ASCC3: variants seen among roughly 807,000 people sequenced by gnomAD.
ASCC3 encodes the protein activating signal cointegrator 1 complex subunit 3.
Under a neutral mutation model 256.3 loss-of-function variants are expected in ASCC3, and 158 were observed. That is an observed-to-expected ratio of 0.62 (90% CI 0.54 to 0.70). ASCC3 has a LOEUF of 0.70. Ranked by LOEUF, ASCC3 falls within the 30% of genes least tolerant of loss-of-function variation. The pLI, the probability that ASCC3 is intolerant of heterozygous loss-of-function variation, is 0.00. For missense variants in ASCC3, 2,259 were observed against 2,626.0 expected (o/e 0.86, Z 3.05); for synonymous variants, 948 against 883.4 (o/e 1.07, Z -1.30).
chr6:100,867,865 T>C, intron 2 of ASCC3, 43 bp downstream of exon 2: 1 of 1,447,292 alleles, frequency 6.9e-7, no homozygotes, highest in Non-Finnish European at 9.7e-7. Context: ...CCATAGTCTG[T>C]GTTTATAATA....
At chr6:100,602,466 A>T (rs897939656) in intron 33 of ASCC3, among the ~76,000 whole-genome samples, 1 of 152,036 alleles carries the variant, frequency 6.6e-6, no homozygotes, top group Non-Finnish European at 1.5e-5. Context: ...AGCTGACAAA[A>T]AAAAAGCTAC....
At chr6:100,642,859 T>A in intron 23 of ASCC3, 110 bp from the exon 24 acceptor site, 1 of 1,050,066 alleles carries the variant, frequency 9.5e-7, no homozygotes, top group Non-Finnish European at 1.4e-6. Context: ...AAAGACAAAG[T>A]ATCTTGAATT....
chr6:100,812,681 T>C (rs1374234602), intron 4 of ASCC3, among the ~76,000 whole-genome samples: 5 of 152,250 alleles, frequency 3.3e-5, no homozygotes, highest in Admixed American at 6.5e-5. Flanking sequence ...TGTGATCCCA[T>C]CACTTTGAGA....
chr6:100,624,215 TAC>T (rs1774118437), intron 30 of ASCC3, among the ~76,000 whole-genome samples: 1 of 151,752 alleles, frequency 6.6e-6, no homozygotes, highest in African/African-American at 2.4e-5. Context: ...TGTATAGAAA[TAC>T]ACATATATGA....
intron 25 of ASCC3, among the ~76,000 whole-genome samples, chr6:100,632,609 G>A (rs1774612649): frequency 6.6e-6 from 1 of 151,986 alleles, no homozygotes; most frequent in South Asian, 2.1e-4. Context: ...TGGAAGTATG[G>A]ACCTGACATA....
intron 3 of ASCC3, among the ~76,000 whole-genome samples, chr6:100,852,203 A>C (rs1772715025): frequency 6.6e-6 from 1 of 152,190 alleles, no homozygotes; most frequent in African/African-American, 2.4e-5. Flanking sequence ...TATCTGAAGA[A>C]AACGATGCAG....
chr6:100,629,116 A>C lies in ASCC3; in HGVS notation c.4274T>G (p.Val1425Gly), dbSNP rs17246013. The C allele has an allele frequency of 2.5e-6, 4 of 1,613,694 alleles. No homozygotes were observed. Among genetic ancestry groups the C allele is most frequent in the Non-Finnish European group, 3.4e-6 (4 of 1,179,872 alleles). Residue 1425 changes from valine (V) to glycine (G), a missense_variant, in exon 27 of 42, where the codon GTC becomes GGC. Coordinates refer to ENST00000369162, the MANE Select transcript of ASCC3 (RefSeq NM_006828.4). ...TCCATCCCACTTCTCTGGCGTAGTG[A>C]CGATAAGGTCAGCCTTGGCAATGGA... ...MKSIAKADLI[V>G]TTPEKWDGVS...
chr6:100,825,897 C>G (rs1771282715), intron 4 of ASCC3, among the ~76,000 whole-genome samples: 1 of 151,700 alleles, frequency 6.6e-6, no homozygotes, highest in Middle Eastern at 3.4e-3. Flanking sequence ...ATTGACTCGG[C>G]TATTGATACT....
chr6:100,707,225 A>C (rs1180788820), intron 13 of ASCC3, among the ~76,000 whole-genome samples: 1 of 152,144 alleles, frequency 6.6e-6, no homozygotes, highest in Non-Finnish European at 1.5e-5. Context: ...CAAAAAGTAA[A>C]AGGACAACAT....
intron 10 of ASCC3, among the ~76,000 whole-genome samples, chr6:100,747,150 A>G (rs1037908230): frequency 6.7e-6 from 1 of 149,308 alleles, no homozygotes; most frequent in Non-Finnish European, 1.5e-5. Context: ...AAAAAAAAAC[A>G]TAAAAAGATG....
At chr6:100,816,193 C>G (rs558682344) in intron 4 of ASCC3, among the ~76,000 whole-genome samples, 1 of 152,142 alleles carries the variant, frequency 6.6e-6, no homozygotes, top group South Asian at 2.1e-4. Flanking sequence ...AAATGAAAAT[C>G]AAAACCACAA....
chr6:100,755,436 C>T (rs928353841), intron 10 of ASCC3, among the ~76,000 whole-genome samples: 7 of 151,784 alleles, frequency 4.6e-5, no homozygotes, highest in Admixed American at 2.0e-4. Context: ...GGCACCACCA[C>T]GCTCACTGTA....
chr6:100,649,086 ATT>A (rs1467076238), intron 20 of ASCC3, among the ~76,000 whole-genome samples: 1 of 151,784 alleles, frequency 6.6e-6, no homozygotes, highest in Non-Finnish European at 1.5e-5. Context: ...ATAAAGTATA[ATT>A]TATCTGATGC....
chr6:100,832,850 C>T, intron 4 of ASCC3, among the ~76,000 whole-genome samples: 2 of 151,826 alleles, frequency 1.3e-5, no homozygotes, highest in East Asian at 1.9e-4. Context: ...TTATGGATTA[C>T]AATTAAACAA....
chr6:100,761,909 A>T (rs1037866610), intron 10 of ASCC3, among the ~76,000 whole-genome samples: 2 of 152,224 alleles, frequency 1.3e-5, no homozygotes, highest in African/African-American at 4.8e-5. Flanking sequence ...ACTACCCTTT[A>T]TTCCCACCCT....
intron 14 of ASCC3, among the ~76,000 whole-genome samples, chr6:100,675,065 A>C (rs952262795): frequency 6.6e-6 from 1 of 151,924 alleles, no homozygotes; most frequent in Non-Finnish European, 1.5e-5. Flanking sequence ...TTTATTCTAT[A>C]TGAGGTTACC....
chr6:100,617,734 C>A lies in ASCC3; in HGVS notation c.4785+7458G>T, dbSNP rs1773741462. On this transcript the variant is annotated intron_variant, in intron 30 of 41. Coordinates refer to ENST00000369162, the MANE Select transcript of ASCC3 (RefSeq NM_006828.4). ...GCCAAGCACTCCTTCCTTCACAGAA[C>A]CCTCTCTTCTACAGTGTTTTAGGAC... Among the ~76,000 whole-genome samples the A allele has an allele frequency of 3.3e-5, 5 of 152,300 alleles. No individual in the cohort carries two copies. The South Asian group carries it at 1.0e-3, about 32-fold the overall frequency.
At chr6:100,647,989 A>G (rs1032401212) in intron 20 of ASCC3, among the ~76,000 whole-genome samples, 1 of 152,162 alleles carries the variant, frequency 6.6e-6, no homozygotes, top group Non-Finnish European at 1.5e-5. Context: ...CTTGCTTTAC[A>G]TATATTGCCT....
At chr6:100,752,498 C>T (rs1780985098) in intron 10 of ASCC3, among the ~76,000 whole-genome samples, 1 of 152,032 alleles carries the variant, frequency 6.6e-6, no homozygotes, top group Non-Finnish European at 1.5e-5. Context: ...TTGTTAATAC[C>T]TTCAGCCATC....
Sources: allele counts gnomAD v4.1 joint callset (sites outside exome capture counted in the v4.1 genomes callset), GRCh38; gene constraint gnomAD v4.1.1; transcripts MANE v1.5; gene names NCBI Gene and HGNC (gene_info 2026-07-23, HGNC 2026-07-21).